EPM2A: variants seen among roughly 807,000 people sequenced by gnomAD.
EPM2A encodes the protein EPM2A glucan phosphatase, laforin, also known as laforin.
In EPM2A, 21 loss-of-function variants were observed where a neutral mutation model predicts 26.5. That is an observed-to-expected ratio of 0.79 (90% CI 0.56 to 1.14). EPM2A has a LOEUF of 1.14. Among genes scored for constraint, EPM2A ranks in the 50% most tolerant of loss-of-function variants. EPM2A has a pLI of 0.00. For synonymous variants in EPM2A, 217 were observed against 177.6 expected, an observed-to-expected ratio of 1.22 and a Z score of -1.76; for missense variants, 458 against 440.8, an observed-to-expected ratio of 1.04 and a Z score of -0.35.
At chr6:145,473,676 CA>C (rs1779505044) in intron 4 of EPM2A, among the ~76,000 whole-genome samples, 1 of 151,952 alleles carries the variant, frequency 6.6e-6, no homozygotes, top group Non-Finnish European at 1.5e-5. Context: ...AGAAAAGAAA[CA>C]AATAATATAT....
chr6:145,411,566 A>G (rs987873358), intron 4 of EPM2A, among the ~76,000 whole-genome samples: 1 of 99,460 alleles, frequency 1.0e-5, no homozygotes, highest in African/African-American at 3.7e-5. Flanking sequence ...TGAGAATGGT[A>G]AAAAAAAAAA....
At chr6:145,426,707 G>A (rs1000997805) in intron 4 of EPM2A, among the ~76,000 whole-genome samples, 2 of 152,150 alleles carry the variant, frequency 1.3e-5, no homozygotes, top group African/African-American at 4.8e-5. Context: ...GTAAAACTCA[G>A]AGAGGCAAAG....
intron 4 of EPM2A, among the ~76,000 whole-genome samples, chr6:145,396,157 A>T (rs1307790689): frequency 1.3e-5 from 2 of 152,128 alleles, no homozygotes; most frequent in African/African-American, 4.8e-5. Flanking sequence ...GTCCAGAGAC[A>T]TTTCTCTGAC....
intron 4 of EPM2A, among the ~76,000 whole-genome samples, chr6:145,410,626 C>T (rs1318346066): frequency 6.6e-6 from 1 of 152,184 alleles, no homozygotes; most frequent in Admixed American, 6.5e-5. Context: ...TAGTTATGGA[C>T]AATGCCCGAG....
intron 4 of EPM2A, among the ~76,000 whole-genome samples, chr6:145,478,021 T>C (rs748122161): frequency 4.0e-5 from 6 of 151,490 alleles, no homozygotes; most frequent in Non-Finnish European, 8.9e-5. Flanking sequence ...AAACTTACAT[T>C]TGGAAAAACC....
intron 2 of EPM2A, among the ~76,000 whole-genome samples, chr6:145,516,058 G>T (rs1342240028): frequency 6.6e-6 from 1 of 152,176 alleles, no homozygotes; most frequent in Non-Finnish European, 1.5e-5. Flanking sequence ...AGGCCAGTTG[G>T]TAACTGTCCT....
At position 145,553,029 on chromosome 6, in the gene EPM2A, A is replaced by T. The variant is rs920186536; in HGVS notation, c.341-50454T>A. On this transcript the variant is annotated intron_variant, in intron 2 of 3. Transcript: ENST00000450221. ...CTCACCTTGAATTGTAATCCCCATA[A>T]TCCCCACGTGTCAAGGATGAGACCA... 3.9e-5 allele frequency among the ~76,000 whole-genome samples: 6 copies of T among 152,132 alleles called. No individual in the cohort carries two copies. The South Asian group carries it at 1.2e-3, about 32-fold the overall frequency.
intron 3 of EPM2A, chr6:145,632,376 C>T (rs1032075235): frequency 6.6e-6 from 1 of 152,196 alleles, no homozygotes; most frequent in Admixed American, 6.5e-5. Flanking sequence ...ATAAATAGTG[C>T]TGCAGTGACA....
intron 2 of EPM2A, among the ~76,000 whole-genome samples, chr6:145,648,688 G>A (rs1003560654): frequency 2.0e-5 from 3 of 152,188 alleles, no homozygotes; most frequent in Non-Finnish European, 2.9e-5. Flanking sequence ...GTGGCACCCA[G>A]AATCATTTTG....
chr6:145,561,286 T>C (rs1339905575), intron 2 of EPM2A, among the ~76,000 whole-genome samples: 2 of 152,078 alleles, frequency 1.3e-5, no homozygotes, highest in African/African-American at 4.8e-5. Context: ...AGCCTAGGTA[T>C]GTAGTGGGCT....
intron 4 of EPM2A, among the ~76,000 whole-genome samples, chr6:145,450,369 A>G (rs967869315): frequency 3.3e-5 from 5 of 151,142 alleles, no homozygotes; most frequent in South Asian, 4.2e-4. Flanking sequence ...AAAAAAAAAA[A>G]AAAGAAACTG....
rs775888157 is a variant in EPM2A at position 145,686,324 on chromosome 6, G to A, written c.302-28C>T. The A allele has an allele frequency of 5.1e-6, 8 of 1,584,144 alleles. No individual in the cohort carries two copies. The South Asian group carries it at 7.7e-5, about 15-fold the overall frequency. On this transcript the variant is annotated intron_variant, in intron 1 of 3. Transcript: ENST00000367519. ...AGAACAAGAAAAAATGATAAACAGA[G>A]CAATTAAATCAGTGTTTTGTTTAAA...
At chr6:145,700,614 T>C (rs1338985601) in intron 1 of EPM2A, among the ~76,000 whole-genome samples, 2 of 152,158 alleles carry the variant, frequency 1.3e-5, no homozygotes, top group Non-Finnish European at 2.9e-5. Flanking sequence ...CAGAAGGAGA[T>C]AACTTCCCTA....
intron 1 of EPM2A, among the ~76,000 whole-genome samples, chr6:145,708,891 G>T (rs1211490521): frequency 6.6e-6 from 1 of 152,202 alleles, no homozygotes; most frequent in Non-Finnish European, 1.5e-5. Flanking sequence ...CAGGAGTGGG[G>T]CTGGACACTG....
chr6:145,404,370 T>G (rs1479394030), intron 4 of EPM2A, among the ~76,000 whole-genome samples: 1 of 152,146 alleles, frequency 6.6e-6, no homozygotes, highest in Non-Finnish European at 1.5e-5. Context: ...TTTTTCTTAT[T>G]GATATACAGG....
At chr6:145,716,330 T>C (rs765385048) in intron 1 of EPM2A, among the ~76,000 whole-genome samples, 8 of 152,180 alleles carry the variant, frequency 5.3e-5, no homozygotes, top group Non-Finnish European at 1.2e-4. Context: ...ATAAAAAATA[T>C]GAATTCCCAG....
intron 2 of EPM2A, among the ~76,000 whole-genome samples, chr6:145,646,971 C>T (rs1166508036): frequency 6.6e-6 from 1 of 152,128 alleles, no homozygotes; most frequent in East Asian, 1.9e-4. Context: ...CATTAGCCCA[C>T]CATAAAAGTC....
chr6:145,627,993 C>A (rs987307108), intron 3 of EPM2A: 6 of 392,738 alleles, frequency 1.5e-5, no homozygotes, highest in Non-Finnish European at 2.8e-5. Flanking sequence ...AGTGACCTAT[C>A]GCCTGTCATC....
chr6:145,635,468 C>A lies in EPM2A; in HGVS notation c.495G>T (p.Trp165Cys), dbSNP rs781291421. 2.3e-5 allele frequency: 37 copies of A among 1,613,866 alleles called. No homozygotes were observed. The highest frequency in any genetic ancestry group is 3.1e-5 in the Non-Finnish European group (37 of 1,179,864). ...MHYSRILPNI[W>C]LGSCPRQVEH... is the part of the protein sequence containing the mutation. ...CCACCTGACGAGGGCAGCTACCCAG[C>A]CAGATATTTGGTAGAATTCTAATGA... Residue 165 changes from tryptophan (W) to cysteine (C), a missense_variant, in exon 3 of 4, where the codon TGG becomes TGT. By Grantham distance (215) the Trp-to-Cys change is radical. Transcript: ENST00000367519.
Sources: gnomAD v4.1 joint callset for allele counts (sites outside exome capture counted in the v4.1 genomes callset) on GRCh38, gnomAD v4.1.1 for gene constraint, MANE v1.5 for transcripts, NCBI Gene and HGNC (gene_info 2026-07-23, HGNC 2026-07-21) for gene names.